The following DDC variants were observed in gnomAD, a reference collection of about 807,000 sequenced individuals.
The protein encoded by DDC is dopa decarboxylase, also known as aromatic-L-amino-acid decarboxylase.
DDC carries 43 observed loss-of-function variants against 60.0 expected under a neutral mutation model. The observed-to-expected ratio is 0.72, with a 90% CI of 0.56 to 0.92. The LOEUF is 0.92. Ranked by LOEUF, DDC falls within the 40% of genes least tolerant of loss-of-function variation. DDC has a pLI of 0.00. For missense variants in DDC, 573 were observed against 620.2 expected, an observed-to-expected ratio of 0.92 and a Z score of 0.81; for synonymous variants, 232 against 234.6, an observed-to-expected ratio of 0.99 and a Z score of 0.10.
At chr7:50,501,891 T>A (rs927027082) in intron 7 of DDC, among the ~76,000 whole-genome samples, 24 of 152,088 alleles carry the variant, frequency 1.6e-4, no homozygotes, top group Admixed American at 1.3e-4. Context: ...CTGGCCAATA[T>A]GGTGAAACCC....
chr7:50,460,053 A>C (rs1585123673), intron 14 of DDC, among the ~76,000 whole-genome samples: 1 of 120,852 alleles, frequency 8.3e-6, no homozygotes. Context: ...TCCGGGAAGG[A>C]GGTGGGGGGG....
intron 7 of DDC, among the ~76,000 whole-genome samples, chr7:50,499,523 C>T (rs1185268846): frequency 1.3e-5 from 2 of 152,180 alleles, no homozygotes; most frequent in Non-Finnish European, 1.5e-5. Flanking sequence ...AAGGGACCAT[C>T]GTGTGACAGC....
At chr7:50,526,353 C>T (rs916771136) in intron 6 of DDC, among the ~76,000 whole-genome samples, 3 of 152,088 alleles carry the variant, frequency 2.0e-5, no homozygotes, top group African/African-American at 7.2e-5. Context: ...GAAAAAATAT[C>T]TTCCAAAAGT....
chr7:50,489,483 T>C (rs1585172070), intron 9 of DDC, among the ~76,000 whole-genome samples: 1 of 152,250 alleles, frequency 6.6e-6, no homozygotes, highest in African/African-American at 2.4e-5. Flanking sequence ...AAAGTCATTG[T>C]ACTATTACAG....
chr7:50,554,913 G>A (rs373038282), intron 1 of DDC, among the ~76,000 whole-genome samples: 1 of 152,144 alleles, frequency 6.6e-6, no homozygotes, highest in Non-Finnish European at 1.5e-5. Flanking sequence ...ATGGCACTGC[G>A]GGGGAGAAGG....
chr7:50,520,061 A>C (rs1344556856), intron 6 of DDC, among the ~76,000 whole-genome samples: 1 of 152,236 alleles, frequency 6.6e-6, no homozygotes, highest in East Asian at 1.9e-4. Flanking sequence ...AGAAACAGAT[A>C]AACTCACTCT....
At chr7:50,548,494 A>G (rs922090666) in intron 1 of DDC, among the ~76,000 whole-genome samples, 3 of 152,250 alleles carry the variant, frequency 2.0e-5, no homozygotes, top group South Asian at 2.1e-4. Flanking sequence ...TCTGAATTGA[A>G]GATCAAACCA....
At position 50,540,434 on chromosome 7, in the gene DDC, AG is replaced by A. The variant is rs557844519; in HGVS notation, c.202-407del. On this transcript the variant is annotated intron_variant, in intron 2 of 14. Coordinates refer to ENST00000444124, the MANE Select transcript of DDC (RefSeq NM_001082971.2). ...CCAAGGCTGATCTCTTTGTGCCAAA[AG>A]CTTAGTTTTCCTAAAACTACTCTAA... 2.6e-4 allele frequency among the ~76,000 whole-genome samples: 40 copies of A among 152,242 alleles called. 1 individual carries two copies. In the East Asian group the frequency reaches 4.6e-3, roughly 18 times the overall value.
intron 9 of DDC, among the ~76,000 whole-genome samples, chr7:50,490,756 C>T (rs1258314870): frequency 1.3e-5 from 2 of 152,118 alleles, no homozygotes; most frequent in Non-Finnish European, 2.9e-5. Context: ...CCAACAAAAC[C>T]AATTTAAAAA....
At chr7:50,473,156 G>A (rs1054488963) in intron 11 of DDC, among the ~76,000 whole-genome samples, 1 of 152,208 alleles carries the variant, frequency 6.6e-6, no homozygotes, top group African/African-American at 2.4e-5. Context: ...CGGGAAATAC[G>A]GCCAGGGACA....
At chr7:50,538,393 T>C (rs1166297011) in intron 3 of DDC, among the ~76,000 whole-genome samples, 6 of 152,154 alleles carry the variant, frequency 3.9e-5, no homozygotes, top group Non-Finnish European at 7.4e-5. Flanking sequence ...CAGTGACTTT[T>C]CTCTATGAAC....
At chr7:50,549,068 G>A (rs2044897867) in intron 1 of DDC, among the ~76,000 whole-genome samples, 1 of 152,202 alleles carries the variant, frequency 6.6e-6, no homozygotes, top group Non-Finnish European at 1.5e-5. Context: ...GAAGACTATT[G>A]TTGAGAGAGA....
At chr7:50,558,650 A>G (rs1035873886) in intron 1 of DDC, among the ~76,000 whole-genome samples, 2 of 152,216 alleles carry the variant, frequency 1.3e-5, no homozygotes, top group African/African-American at 2.4e-5. Flanking sequence ...TAACTTGACC[A>G]CAGCCACACA....
chr7:50,504,048 G>T lies in DDC; in HGVS notation c.726C>A (p.Thr242=). 1 of 1,613,400 alleles carries T rather than the reference G, an allele frequency of 6.2e-7. No individual in the cohort carries two copies. The change falls in exon 7 of 15, where the codon ACC becomes ACA. Residue 242 remains threonine (T), a synonymous_variant. Transcript: ENST00000444124. ...AGLIPFFMVA[T]LGTTTCCSFD... ...AGGAGCAGCATGTTGTGGTCCCCAGGGTGGCAACCATCTAGAGGGTAAAAA... is the reference window on the plus strand; with the variant it reads ...AGGAGCAGCATGTTGTGGTCCCCAGTGTGGCAACCATCTAGAGGGTAAAAA...
chr7:50,516,761 C>A (rs557296743), intron 6 of DDC, among the ~76,000 whole-genome samples: 8 of 152,134 alleles, frequency 5.3e-5, no homozygotes, highest in African/African-American at 1.9e-4. Context: ...CAAGTAACAC[C>A]ACTGAAATAC....
At chr7:50,510,775 A>G (rs373185764) in intron 6 of DDC, among the ~76,000 whole-genome samples, 1 of 151,844 alleles carries the variant, frequency 6.6e-6, no homozygotes, top group East Asian at 1.9e-4. Context: ...AGGTCAGGAG[A>G]TCGAGACCAT....
chr7:50,511,049 C>CTATATATATA (rs146390731), intron 6 of DDC, among the ~76,000 whole-genome samples: 10 of 83,648 alleles, frequency 1.2e-4, no homozygotes, highest in African/African-American at 4.0e-4. Flanking sequence ...TAGGATATAT[C>CTATATATATA]TATACACACA....
chr7:50,552,842 C>A (rs1200631430), intron 1 of DDC, among the ~76,000 whole-genome samples: 1 of 152,222 alleles, frequency 6.6e-6, no homozygotes, highest in African/African-American at 2.4e-5. Context: ...ACCAGCCCCT[C>A]ACATATTTGC....
intron 1 of DDC, among the ~76,000 whole-genome samples, chr7:50,552,557 GA>G (rs1235042344): frequency 1.1e-4 from 16 of 152,252 alleles, no homozygotes; most frequent in Admixed American, 1.0e-3. Flanking sequence ...GGACTCCCCT[GA>G]ACTCCCTCAG....
Sources: allele counts gnomAD v4.1 joint callset (sites outside exome capture counted in the v4.1 genomes callset), GRCh38; gene constraint gnomAD v4.1.1; transcripts MANE v1.5; gene names NCBI Gene and HGNC (gene_info 2026-07-23, HGNC 2026-07-21).